PDE10A: variants seen among roughly 807,000 people sequenced by gnomAD.
The protein encoded by PDE10A is phosphodiesterase 10A, also known as cAMP and cAMP-inhibited cGMP 3',5'-cyclic phosphodiesterase 10A.
A neutral mutation model predicts 97.7 loss-of-function variants in PDE10A; 39 were observed. That is an observed-to-expected ratio of 0.40 (90% confidence interval 0.31 to 0.52). The LOEUF (loss-of-function observed/expected upper bound fraction) is 0.52, where lower values mean the gene tolerates loss of function less well. Among genes scored for constraint, PDE10A ranks in the 20% least tolerant of loss-of-function variants. The probability of loss-of-function intolerance (pLI) is 0.56; values close to 1 mark genes in which losing one functional copy is unlikely to be tolerated. For synonymous variants in PDE10A, 371 were observed against 376.8 expected (o/e 0.98, Z 0.18); for missense variants, 731 against 1,047.8 (o/e 0.70, Z 4.17).
At chr6:165,437,149 C>G (rs546709623) in intron 5 of PDE10A, among the ~76,000 whole-genome samples, 29 of 152,222 alleles carry the variant, frequency 1.9e-4, no homozygotes, top group Admixed American at 9.2e-4. Flanking sequence ...AAGCTTCCAA[C>G]AGTAACTCTG....
intron 1 of PDE10A, among the ~76,000 whole-genome samples, chr6:165,789,839 T>G (rs1428934293): frequency 6.6e-6 from 1 of 152,186 alleles, no homozygotes; most frequent in African/African-American, 2.4e-5. Flanking sequence ...GGAAAAAATA[T>G]ATATGGTTTA....
chr6:165,587,709 T>C (rs754602386), intron 1 of PDE10A, among the ~76,000 whole-genome samples: 12 of 152,108 alleles, frequency 7.9e-5, no homozygotes, highest in Non-Finnish European at 1.6e-4. Flanking sequence ...ACAACTAAGG[T>C]ATAAGGACTT....
chr6:165,450,493 CAT>C (rs907680630), intron 3 of PDE10A, 131 bp from the exon 4 acceptor site: 9 of 407,764 alleles, frequency 2.2e-5, no homozygotes, highest in South Asian at 9.2e-5. Context: ...TTTTATAGCA[CAT>C]GATTTAAATA....
intron 1 of PDE10A, among the ~76,000 whole-genome samples, chr6:165,634,845 T>C (rs989556501): frequency 3.9e-5 from 6 of 152,240 alleles, no homozygotes; most frequent in Admixed American, 3.9e-4. Flanking sequence ...ACAAACTTTC[T>C]GTAGACACAA....
chr6:165,802,851 G>C (rs1264578283), intron 1 of PDE10A, among the ~76,000 whole-genome samples: 2 of 152,124 alleles, frequency 1.3e-5, no homozygotes, highest in Non-Finnish European at 2.9e-5. Context: ...ATTCCTGATC[G>C]CATGGTTTTC....
intron 3 of PDE10A, among the ~76,000 whole-genome samples, chr6:165,463,754 T>C (rs1011106485): frequency 6.6e-6 from 1 of 152,206 alleles, no homozygotes; most frequent in Non-Finnish European, 1.5e-5. Flanking sequence ...TGTGACATGT[T>C]CATGGCCATA....
At chr6:165,407,474 T>A (rs1583215679) in intron 13 of PDE10A, among the ~76,000 whole-genome samples, 1 of 152,372 alleles carries the variant, frequency 6.6e-6, no homozygotes, top group South Asian at 2.1e-4. Flanking sequence ...GTAAAGTGTC[T>A]AGAACAATTC....
chr6:165,904,907 A>G (rs1782219729), intron 1 of PDE10A, among the ~76,000 whole-genome samples: 1 of 152,210 alleles, frequency 6.6e-6, no homozygotes, highest in South Asian at 2.1e-4. Context: ...TACCAAAAGT[A>G]ATTTGTCTAC....
At chr6:165,553,231 GA>G (rs1231313986) in intron 1 of PDE10A, among the ~76,000 whole-genome samples, 3 of 152,060 alleles carry the variant, frequency 2.0e-5, no homozygotes, top group Non-Finnish European at 4.4e-5. Context: ...TTTTGGGGAG[GA>G]GGGGGGTGTC....
intron 18 of PDE10A, among the ~76,000 whole-genome samples, chr6:165,372,955 C>T (rs1479846475): frequency 6.7e-6 from 1 of 149,306 alleles, no homozygotes; most frequent in South Asian, 2.1e-4. Context: ...CTTTGACAAA[C>T]CTGACAAAAA....
intron 1 of PDE10A, among the ~76,000 whole-genome samples, chr6:165,938,597 G>A (rs1053497880): frequency 1.3e-5 from 2 of 152,080 alleles, no homozygotes; most frequent in African/African-American, 2.4e-5. Flanking sequence ...CCCAAAAAAC[G>A]CACCTGGGGC....
intron 1 of PDE10A, among the ~76,000 whole-genome samples, chr6:165,786,486 G>A (rs1334561749): frequency 2.0e-5 from 3 of 152,170 alleles, no homozygotes; most frequent in African/African-American, 7.2e-5. Flanking sequence ...TACCTGTGAG[G>A]GGTAAAGAAG....
At chr6:165,695,860 A>G (rs1791430781) in intron 1 of PDE10A, among the ~76,000 whole-genome samples, 1 of 152,170 alleles carries the variant, frequency 6.6e-6, no homozygotes, top group Admixed American at 6.5e-5. Flanking sequence ...TGACCTTAGA[A>G]ACTGTTCCTT....
intron 1 of PDE10A, among the ~76,000 whole-genome samples, chr6:165,723,411 A>T (rs1267438734): frequency 6.6e-6 from 1 of 152,218 alleles, no homozygotes; most frequent in Non-Finnish European, 1.5e-5. Flanking sequence ...CTTTATATTT[A>T]CAACGTGACT....
intron 1 of PDE10A, among the ~76,000 whole-genome samples, chr6:165,619,389 ATAGTGTAGTG>A (rs1199650709): frequency 6.5e-4 from 2 of 3,064 alleles, no homozygotes; most frequent in African/African-American, 1.7e-3. Flanking sequence ...GTAGTCTAGT[ATAGTGTAGTG>A]TAGTGTAGTC....
intron 1 of PDE10A, among the ~76,000 whole-genome samples, chr6:165,618,723 A>G (rs892132779): frequency 2.6e-5 from 4 of 152,212 alleles, no homozygotes; most frequent in Non-Finnish European, 4.4e-5. Flanking sequence ...TGTGTCCAGA[A>G]AGGGGTGATT....
At chr6:165,901,461 G>C (rs1165087102) in intron 1 of PDE10A, among the ~76,000 whole-genome samples, 1 of 152,178 alleles carries the variant, frequency 6.6e-6, no homozygotes, top group African/African-American at 2.4e-5. Context: ...CACGTGGGCT[G>C]CCTCCACCTC....
At chr6:165,973,516 A>C (rs141462563) in intron 1 of PDE10A, among the ~76,000 whole-genome samples, 2 of 152,182 alleles carry the variant, frequency 1.3e-5, no homozygotes. Flanking sequence ...TATTGAAGTT[A>C]GTTGAGATTG....
chr6:165,659,743 C>T (rs907883462), intron 1 of PDE10A, among the ~76,000 whole-genome samples: 5 of 152,214 alleles, frequency 3.3e-5, no homozygotes, highest in Admixed American at 1.3e-4. Context: ...CCAGCTTCTC[C>T]TAGCTGGGCC....
Sources: allele counts gnomAD v4.1 joint callset (sites outside exome capture counted in the v4.1 genomes callset), GRCh38; gene constraint gnomAD v4.1.1; transcripts MANE v1.5; gene names NCBI Gene and HGNC (gene_info 2026-07-23, HGNC 2026-07-21).